The following EEA1 variants were observed in gnomAD, a reference collection of about 807,000 sequenced individuals.
EEA1 encodes early endosome antigen 1, also known as early endosome antigen 1, 162kD.
In EEA1, 111 loss-of-function variants were observed where a neutral mutation model predicts 209.2. The ratio of observed to expected loss-of-function variants is 0.53; its 90% CI spans 0.45 to 0.62. The LOEUF (loss-of-function observed/expected upper bound fraction) is 0.62. EEA1 is among the 20% of genes least tolerant of loss of function. The pLI, the probability that EEA1 is intolerant of heterozygous loss-of-function variation, is 0.00. For synonymous variants in EEA1, 536 were observed against 540.6 expected (o/e 0.99, Z 0.12); for missense variants, 1,343 against 1,530.8 (o/e 0.88, Z 2.05).
At position 92,802,396 on chromosome 12, in the gene EEA1, C is replaced by G. The variant is rs1874962315; in HGVS notation, c.2670+8G>C. ...TTCTACCTAAGAAAGTAAATGTAAA[C>G]TACTAACCAAGTCTAATATAGCGGC... On this transcript the variant is annotated splice_region_variant and intron_variant, in intron 19 of 28. Transcript: ENST00000322349. 1 of 1,554,980 alleles carries G rather than the reference C, an allele frequency of 6.4e-7. No individual in the cohort carries two copies. Among genetic ancestry groups the G allele is most frequent in the Non-Finnish European group, 8.6e-7 (1 of 1,161,986 alleles).
chr12:92,905,717 A>G (rs958386244), intron 1 of EEA1: 4 of 152,186 alleles, frequency 2.6e-5, no homozygotes, highest in African/African-American at 7.2e-5. Flanking sequence ...GCAAAAAACT[A>G]TCAAAGAAGC....
intron 2 of EEA1, chr12:92,879,201 ATT>A (rs34766702): frequency 4.2e-3 from 974 of 232,598 alleles, no homozygotes; most frequent in Middle Eastern, 6.5e-3. Flanking sequence ...TGGATTCTGG[ATT>A]TTTTTTTTTT....
chr12:92,861,672 C>G (rs1878159916), intron 3 of EEA1, among the ~76,000 whole-genome samples: 1 of 151,884 alleles, frequency 6.6e-6, no homozygotes, highest in South Asian at 2.1e-4. Flanking sequence ...CTCTATCTAC[C>G]TTGATATGAA....
intron 10 of EEA1, among the ~76,000 whole-genome samples, chr12:92,837,816 T>C (rs1335831482): frequency 6.6e-6 from 1 of 152,218 alleles, no homozygotes; most frequent in Non-Finnish European, 1.5e-5. Context: ...ATACTACCTG[T>C]GACCCACAAA....
At chr12:92,928,881 C>T (rs12818523) in intron 1 of EEA1, among the ~76,000 whole-genome samples, 162 bp downstream of exon 1, 1 of 150,804 alleles carries the variant, frequency 6.6e-6, no homozygotes, top group East Asian at 1.9e-4. Flanking sequence ...GCCCCACCCG[C>T]CCTCCCCGCC....
At chr12:92,843,892 A>G (rs1285993772) in intron 9 of EEA1, among the ~76,000 whole-genome samples, 2 of 152,170 alleles carry the variant, frequency 1.3e-5, no homozygotes, top group African/African-American at 4.8e-5. Context: ...TTATCACGGC[A>G]ACAATGCTAT....
At chr12:92,912,808 T>C (rs1880625724) in intron 1 of EEA1, among the ~76,000 whole-genome samples, 1 of 152,224 alleles carries the variant, frequency 6.6e-6, no homozygotes, top group Non-Finnish European at 1.5e-5. Context: ...TCACTTTGTT[T>C]CTGAGTGATT....
At chr12:92,927,324 G>T (rs141821385) in intron 1 of EEA1, among the ~76,000 whole-genome samples, 1 of 152,174 alleles carries the variant, frequency 6.6e-6, no homozygotes, top group Non-Finnish European at 1.5e-5. Flanking sequence ...TAGCGCCGAC[G>T]TTAAGAAACT....
rs944460308 is a variant in EEA1 at position 92,772,282 on chromosome 12, T to C, written c.*3729A>G. 12 of 151,976 alleles carry C rather than the reference T, an allele frequency of 7.9e-5. No individual in the cohort carries two copies. The highest frequency in any genetic ancestry group is 2.9e-4 in the African/African-American group (12 of 41,434). 9.4% of individuals were successfully genotyped at this position (151,976 alleles called of 1,614,324 possible). ...ATATTTTTTATATTTGTTTTTAGTTTTGTTAATTCTCTACAATATTAAATG... is the reference window on the plus strand; with the variant it reads ...ATATTTTTTATATTTGTTTTTAGTTCTGTTAATTCTCTACAATATTAAATG... On this transcript the variant is annotated 3_prime_UTR_variant, in exon 29 of 29. Coordinates refer to ENST00000322349, the MANE Select transcript of EEA1 (RefSeq NM_003566.4).
chr12:92,821,136 T>C (rs1325591497), intron 13 of EEA1: 3 of 152,186 alleles, frequency 2.0e-5, no homozygotes, highest in Non-Finnish European at 2.9e-5. Flanking sequence ...ACAAAATACA[T>C]AGATAATTAA....
chr12:92,814,043 A>C (rs1391482696), intron 15 of EEA1, among the ~76,000 whole-genome samples: 2 of 152,122 alleles, frequency 1.3e-5, no homozygotes, highest in Non-Finnish European at 2.9e-5. Context: ...GAAAAGCAAA[A>C]AAGAAAATAT....
chr12:92,843,523 T>C (rs960608668), intron 9 of EEA1, among the ~76,000 whole-genome samples: 1 of 152,108 alleles, frequency 6.6e-6, no homozygotes, highest in African/African-American at 2.4e-5. Flanking sequence ...TTAAAAATAA[T>C]ATAAGACAAA....
intron 18 of EEA1, among the ~76,000 whole-genome samples, chr12:92,804,044 A>C (rs964299742): frequency 6.6e-5 from 10 of 152,308 alleles, no homozygotes; most frequent in African/African-American, 2.4e-4. Flanking sequence ...GTTGGAAACT[A>C]TAATATCTCT....
Position 92,832,432 on chromosome 12 carries a change from T to C in EEA1, c.1254+80A>G, listed in dbSNP as rs986623416. On this transcript the variant is annotated intron_variant, in intron 11 of 28. Coordinates refer to ENST00000322349, the MANE Select transcript of EEA1 (RefSeq NM_003566.4). ...GACAATATTTTTTCAACATGAACTA[T>C]ATTATGATCAAATAACCATCAAGTA... The C allele has an allele frequency of 1.7e-5, 22 of 1,327,142 alleles. No homozygotes were observed. In the Admixed American group the frequency reaches 3.1e-4, roughly 19 times the overall value. The allele number at this position is 1,327,142 out of a possible 1,614,324, so 82.2% of individuals were successfully genotyped here. A position where few individuals can be genotyped will look rare whatever the true frequency, so the allele number is the denominator to read the frequency against.
chr12:92,878,120 A>G (rs1878992241), intron 2 of EEA1, among the ~76,000 whole-genome samples: 1 of 152,102 alleles, frequency 6.6e-6, no homozygotes, highest in Non-Finnish European at 1.5e-5. Context: ...AGAAGATAAG[A>G]CCAGGCACAG....
chr12:92,878,302 A>C (rs922272082), intron 2 of EEA1, among the ~76,000 whole-genome samples: 5 of 152,190 alleles, frequency 3.3e-5, no homozygotes, highest in Non-Finnish European at 5.9e-5. Flanking sequence ...AAAACAAAAA[A>C]GGTGGGGGAA....
chr12:92,777,762 T>C (rs1194493987), intron 26 of EEA1, 99 bp from the exon 27 acceptor site: 1 of 1,327,338 alleles, frequency 7.5e-7, no homozygotes, highest in Non-Finnish European at 1.0e-6. Flanking sequence ...TTAAAATATA[T>C]GATACATTAA....
rs888404602 is a variant in EEA1 at position 92,816,262 on chromosome 12, C to T, written c.1867G>A (p.Val623Ile). 6.8e-6 allele frequency: 11 copies of T among 1,613,948 alleles called. No homozygotes were observed. Among genetic ancestry groups the T allele is most frequent in the Non-Finnish European group, 9.3e-6 (11 of 1,179,888 alleles). ...TTTAATTGACTATTTAATTCATTGA[C>T]ACTAGTTTCTAGGGAAAGGACACGG... Reference protein sequence around the residue: ...QDRVLSLETSVNELNSQLNES... With the variant: ...QDRVLSLETSINELNSQLNES... The change falls in exon 15 of 29, where the codon GTC (valine) becomes ATC (isoleucine). Residue 623 changes from valine (V) to isoleucine (I), a missense_variant. Val to Ile is a conservative substitution (Grantham distance 29). This residue lies in a region of EEA1 where 1,307 missense variants were observed against 1,465.5 expected (regional missense o/e 0.89). Coordinates refer to ENST00000322349, the MANE Select transcript of EEA1 (RefSeq NM_003566.4).
chr12:92,819,560 T>C, intron 13 of EEA1, 49 bp from the exon 14 acceptor site: 1 of 1,321,120 alleles, frequency 7.6e-7, no homozygotes, highest in Non-Finnish European at 1.0e-6. Context: ...ACTTAAAAAG[T>C]TATTCCTCAA....
Sources: gnomAD v4.1 joint callset for allele counts (sites outside exome capture counted in the v4.1 genomes callset) on GRCh38, gnomAD v4.1.1 for gene constraint, gnomAD v4.1.1 regional missense constraint, MANE v1.5 for transcripts, NCBI Gene and HGNC (gene_info 2026-07-23, HGNC 2026-07-21) for gene names.